MAPRE2: variants seen among roughly 807,000 people sequenced by gnomAD.
MAPRE2 encodes microtubule associated protein RP/EB family member 2, also known as microtubule-associated protein RP/EB family member 2.
Under a neutral mutation model 43.2 loss-of-function variants are expected in MAPRE2, and 13 were observed. That is an observed-to-expected ratio of 0.30 (90% CI 0.20 to 0.48). The LOEUF is 0.48. Among genes scored for constraint, MAPRE2 ranks in the 20% least tolerant of loss-of-function variants. The pLI, the probability that MAPRE2 is intolerant of heterozygous loss-of-function variation, is 0.99. For synonymous variants in MAPRE2, 135 were observed against 148.8 expected, an observed-to-expected ratio of 0.91 and a Z score of 0.68; for missense variants, 161 against 400.2, an observed-to-expected ratio of 0.40 and a Z score of 5.10.
intron 2 of MAPRE2, among the ~76,000 whole-genome samples, chr18:35,087,775 A>G (rs1907945018): frequency 6.6e-6 from 1 of 152,216 alleles, no homozygotes; most frequent in Non-Finnish European, 1.5e-5. Context: ...AATAAGCCAC[A>G]AACTCTCTTA....
chr18:35,091,730 A>T (rs781387138), intron 2 of MAPRE2, among the ~76,000 whole-genome samples: 6 of 141,120 alleles, frequency 4.3e-5, no homozygotes, highest in Admixed American at 2.1e-4. Context: ...ATCTGTATTT[A>T]AAAAAAAAAA....
chr18:35,087,206 T>C (rs1907919595), intron 2 of MAPRE2, among the ~76,000 whole-genome samples: 1 of 152,180 alleles, frequency 6.6e-6, no homozygotes, highest in Non-Finnish European at 1.5e-5. Context: ...GTATAACAAC[T>C]GAAACCAATC....
At chr18:35,139,473 A>G (rs551739443) in intron 6 of MAPRE2, among the ~76,000 whole-genome samples, 15 of 152,358 alleles carry the variant, frequency 9.8e-5, no homozygotes, top group African/African-American at 2.6e-4. Flanking sequence ...TGTTCATGCC[A>G]TGCTTCACTG....
intron 2 of MAPRE2, among the ~76,000 whole-genome samples, chr18:35,014,868 G>A (rs376226447): frequency 2.5e-4 from 38 of 152,182 alleles, no homozygotes; most frequent in African/African-American, 7.2e-4. Flanking sequence ...CCTTTACCAC[G>A]TTGTAAATCC....
intron 4 of MAPRE2, among the ~76,000 whole-genome samples, chr18:35,108,605 C>T (rs974092588): frequency 1.3e-5 from 2 of 152,136 alleles, no homozygotes; most frequent in Admixed American, 6.5e-5. Flanking sequence ...AAAAACATTC[C>T]TATTTCTCCA....
At chr18:35,083,072 C>T (rs939421021) in intron 2 of MAPRE2, among the ~76,000 whole-genome samples, 6 of 152,120 alleles carry the variant, frequency 3.9e-5, no homozygotes, top group African/African-American at 1.4e-4. Context: ...TACAGATGGG[C>T]ATTTCTTTAG....
intron 2 of MAPRE2, among the ~76,000 whole-genome samples, chr18:35,013,891 C>G (rs2097036454): frequency 6.6e-6 from 1 of 151,492 alleles, no homozygotes; most frequent in Non-Finnish European, 1.5e-5. Context: ...GTATATACTA[C>G]ATTTTCTTTA....
intron 1 of MAPRE2, among the ~76,000 whole-genome samples, chr18:35,055,852 G>A (rs1434853490): frequency 1.3e-5 from 2 of 151,998 alleles, no homozygotes; most frequent in African/African-American, 2.4e-5. Flanking sequence ...CTACTGGGGA[G>A]GCTGGGGCAG....
At chr18:35,102,278 C>T (rs1325374373) in intron 4 of MAPRE2, 119 bp downstream of exon 4, 4 of 687,692 alleles carry the variant, frequency 5.8e-6, no homozygotes, top group South Asian at 2.3e-5. Flanking sequence ...TTAATGCCTT[C>T]GGATGATTTC....
chr18:35,079,456 C>T (rs114645851), intron 2 of MAPRE2, among the ~76,000 whole-genome samples: 4,376 of 152,270 alleles, frequency 0.029, 202 homozygotes, highest in African/African-American at 0.1. Flanking sequence ...CTTAGTCTTA[C>T]GTAAAAGGAC....
chr18:35,041,942 T>TC (rs918698171), intron 1 of MAPRE2, among the ~76,000 whole-genome samples: 1 of 152,174 alleles, frequency 6.6e-6, no homozygotes, highest in Non-Finnish European at 1.5e-5. Context: ...CATGCTGTTT[T>TC]CCCCCGCTGT....
At chr18:35,102,626 G>A (rs760668656) in intron 4 of MAPRE2, among the ~76,000 whole-genome samples, 1 of 152,126 alleles carries the variant, frequency 6.6e-6, no homozygotes, top group Non-Finnish European at 1.5e-5. Flanking sequence ...GTAGGCAGTG[G>A]CAATTTTTAT....
At chr18:34,988,692 T>A (rs2097022266) in intron 1 of MAPRE2, 1 of 152,198 alleles carries the variant, frequency 6.6e-6, no homozygotes, top group Non-Finnish European at 1.5e-5. Flanking sequence ...AGCATGTATG[T>A]TACATGTAGC....
intron 2 of MAPRE2, among the ~76,000 whole-genome samples, chr18:35,027,219 G>A (rs1280403569): frequency 6.6e-6 from 1 of 152,190 alleles, no homozygotes; most frequent in Non-Finnish European, 1.5e-5. Context: ...TCCTAGTTAT[G>A]TTACCAGTGG....
intron 5 of MAPRE2, 74 bp from the exon 6 acceptor site, chr18:35,131,958 T>C (rs1603404242): frequency 7.0e-7 from 1 of 1,436,154 alleles, no homozygotes; most frequent in East Asian, 2.3e-5. Context: ...TTGGGTTTTA[T>C]TCACAGGAAT....
intron 1 of MAPRE2, among the ~76,000 whole-genome samples, chr18:35,068,295 G>A (rs992593029): frequency 6.6e-6 from 1 of 152,006 alleles, no homozygotes; most frequent in Non-Finnish European, 1.5e-5. Flanking sequence ...AATCAGGAGC[G>A]CTTGGAGAAA....
At chr18:35,006,041 T>A (rs1349213369) in intron 2 of MAPRE2, among the ~76,000 whole-genome samples, 1 of 152,194 alleles carries the variant, frequency 6.6e-6, no homozygotes, top group African/African-American at 2.4e-5. Flanking sequence ...CTGTCTGGGA[T>A]TTGTCTTTGA....
intron 1 of MAPRE2, among the ~76,000 whole-genome samples, chr18:35,043,392 A>T (rs1012065296): frequency 1.3e-5 from 2 of 152,196 alleles, no homozygotes; most frequent in Non-Finnish European, 2.9e-5. Flanking sequence ...GGCCAAAGGA[A>T]GTTGCCTGGT....
At chr18:34,984,285 C>T (rs1369676063) in intron 1 of MAPRE2, 1 of 152,052 alleles carries the variant, frequency 6.6e-6, no homozygotes, top group Non-Finnish European at 1.5e-5. Context: ...AGAACTTCTT[C>T]CTTTTGATGA....
Sources: allele counts gnomAD v4.1 joint callset (sites outside exome capture counted in the v4.1 genomes callset), GRCh38; gene constraint gnomAD v4.1.1; transcripts MANE v1.5; gene names NCBI Gene and HGNC (gene_info 2026-07-23, HGNC 2026-07-21).